IL1RAPL1: variants seen among roughly 807,000 people sequenced by gnomAD.
The protein encoded by IL1RAPL1 is interleukin-1 receptor accessory protein-like 1.
Under a neutral mutation model 48.4 loss-of-function variants are expected in IL1RAPL1, and 3 were observed. The ratio of observed to expected loss-of-function variants is 0.06; its 90% CI spans 0.03 to 0.16. The LOEUF (loss-of-function observed/expected upper bound fraction) is 0.16, where lower values mean the gene tolerates loss of function less well. Ranked by LOEUF, IL1RAPL1 falls within the 10% of genes least tolerant of loss-of-function variation. IL1RAPL1 has a pLI of 1.00. For synonymous variants in IL1RAPL1, 185 were observed against 187.7 expected, an observed-to-expected ratio of 0.99 and a Z score of 0.12; for missense variants, 349 against 530.6, an observed-to-expected ratio of 0.66 and a Z score of 3.36.
At chrX:29,101,590 G>A (rs1293599472) in intron 2 of IL1RAPL1, among the ~76,000 whole-genome samples, 2 of 111,553 alleles carry the variant, frequency 1.8e-5, no homozygotes, top group East Asian at 5.7e-4. Context: ...AAACATTGGT[G>A]CAAAAATCCT....
At position 29,720,389 on chromosome X, in the gene IL1RAPL1, G is replaced by A. The variant is rs191655479; in HGVS notation, c.778+51885G>A. ...CAATGATAGACTGGATTAAGAAAAT[G>A]TGGCACATATACACCATGAAATACT... On this transcript the variant is annotated intron_variant, in intron 6 of 10. Transcript: ENST00000378993. Among the ~76,000 whole-genome samples the A allele has an allele frequency of 4.1e-4, 46 of 111,220 alleles. 1 individual carries two copies. The highest frequency in any genetic ancestry group is 1.7e-3 in the East Asian group (6 of 3,520).
intron 2 of IL1RAPL1, among the ~76,000 whole-genome samples, chrX:29,028,532 C>T (rs1021932964): frequency 9.0e-5 from 10 of 110,501 alleles, no homozygotes; most frequent in African/African-American, 2.0e-4. Context: ...GTGATCCACC[C>T]GCCTCAGCCT....
chrX:28,600,981 A>G (rs757768431), intron 1 of IL1RAPL1, among the ~76,000 whole-genome samples: 1 of 112,099 alleles, frequency 8.9e-6, no homozygotes, highest in African/African-American at 3.2e-5. Flanking sequence ...TTTTTATCCT[A>G]TAAAGATTTT....
intron 6 of IL1RAPL1, among the ~76,000 whole-genome samples, chrX:29,762,974 C>T (rs896445369): frequency 9.0e-6 from 1 of 110,844 alleles, no homozygotes; most frequent in Non-Finnish European, 1.9e-5. Context: ...GAATGTGTCT[C>T]ACTGAGAAAA....
intron 3 of IL1RAPL1, among the ~76,000 whole-genome samples, chrX:29,306,142 C>G (rs552544249): frequency 8.9e-6 from 1 of 111,929 alleles, no homozygotes; most frequent in African/African-American, 3.3e-5. Flanking sequence ...TCCATTACTA[C>G]CTACGTTGTA....
chrX:29,753,317 T>C (rs1374736948), intron 6 of IL1RAPL1, among the ~76,000 whole-genome samples: 1 of 111,759 alleles, frequency 8.9e-6, no homozygotes, highest in Non-Finnish European at 1.9e-5. Flanking sequence ...CATCTAAAAA[T>C]AAATGGCCTA....
chrX:29,524,781 G>A (rs950578754), intron 5 of IL1RAPL1, among the ~76,000 whole-genome samples: 1 of 112,359 alleles, frequency 8.9e-6, no homozygotes, highest in African/African-American at 3.2e-5. Flanking sequence ...TGAAGAAGCA[G>A]TTTAACACTG....
rs751463248 is a variant in IL1RAPL1 at position 29,693,817 on chromosome X, CTTT to C, written c.778+25324_778+25326del. 5.1e-5 allele frequency among the ~76,000 whole-genome samples: 5 copies of C among 98,936 alleles called. No individual in the cohort carries two copies. The Admixed American group carries it at 5.4e-4, about 11-fold the overall frequency. 85.9% of individuals were successfully genotyped at this position (98,936 alleles called of 115,157 possible). On this transcript the variant is annotated intron_variant, in intron 6 of 10. Transcript: ENST00000378993. The stretch of plus-strand genomic sequence containing the variant: ...ATGGAAGTAGTGAAATGATTCATTT[CTTT>C]TTTTTTTTTTGAATATGGTAGAGAA...
At chrX:29,803,121 G>C (rs1225357266) in intron 6 of IL1RAPL1, among the ~76,000 whole-genome samples, 1 of 90,827 alleles carries the variant, frequency 1.1e-5, no homozygotes, top group African/African-American at 4.0e-5. Context: ...GTATATATGT[G>C]TATACATGTA....
intron 6 of IL1RAPL1, among the ~76,000 whole-genome samples, chrX:29,837,272 A>AAATT (rs1447926305): frequency 2.8e-5 from 2 of 72,146 alleles, no homozygotes; most frequent in African/African-American, 1.2e-4. Context: ...AAAAAAAAAA[A>AAATT]ATATATATAT....
intron 5 of IL1RAPL1, among the ~76,000 whole-genome samples, chrX:29,564,388 G>C (rs1922333476): frequency 8.9e-6 from 1 of 112,615 alleles, no homozygotes; most frequent in African/African-American, 3.2e-5. Flanking sequence ...TGGCTCTGAT[G>C]ATAGCAATCA....
At chrX:28,860,058 TGTTGTCTTATTTTAA>T (rs1284942616) in intron 2 of IL1RAPL1, among the ~76,000 whole-genome samples, 3 of 111,898 alleles carry the variant, frequency 2.7e-5, no homozygotes, top group Non-Finnish European at 5.6e-5. Context: ...CAGACTTCAT[TGTTGTCTTATTTTAA>T]GAAATTGCTG....
intron 2 of IL1RAPL1, among the ~76,000 whole-genome samples, chrX:29,197,525 T>C: frequency 8.9e-6 from 1 of 111,829 alleles, no homozygotes; most frequent in East Asian, 2.8e-4. Context: ...CTATACTTCC[T>C]TCATTCTTGG....
intron 2 of IL1RAPL1, among the ~76,000 whole-genome samples, chrX:28,871,692 T>A (rs766921800): frequency 4.9e-4 from 55 of 111,614 alleles, no homozygotes; most frequent in South Asian, 1.5e-3. Context: ...GTGATTAGGG[T>A]AGGGTCCAGG....
At chrX:29,298,243 G>C (rs1423113330) in intron 3 of IL1RAPL1, among the ~76,000 whole-genome samples, 4 of 111,793 alleles carry the variant, frequency 3.6e-5, no homozygotes, top group Admixed American at 1.9e-4. Context: ...GTCTCTTCTG[G>C]AAGTTTATTC....
intron 5 of IL1RAPL1, among the ~76,000 whole-genome samples, chrX:29,489,286 G>T (rs1342490618): frequency 1.3e-5 from 1 of 78,373 alleles, no homozygotes; most frequent in African/African-American, 4.9e-5. Context: ...ACATTACATT[G>T]TACACTGTAC....
intron 5 of IL1RAPL1, among the ~76,000 whole-genome samples, chrX:29,587,164 C>T (rs1448238746): frequency 9.0e-6 from 1 of 111,311 alleles, no homozygotes; most frequent in Non-Finnish European, 1.9e-5. Flanking sequence ...GGAGTTTAGT[C>T]AGTTATTCTT....
At chrX:29,802,887 A>G (rs1417994192) in intron 6 of IL1RAPL1, among the ~76,000 whole-genome samples, 3 of 86,465 alleles carry the variant, frequency 3.5e-5, no homozygotes, top group Non-Finnish European at 4.4e-5. Context: ...ATATGTATAT[A>G]TGTATACATA....
intron 2 of IL1RAPL1, among the ~76,000 whole-genome samples, chrX:29,205,597 G>A (rs1306243610): frequency 9.0e-6 from 1 of 111,578 alleles, no homozygotes; most frequent in Non-Finnish European, 1.9e-5. Context: ...TTCCTCATCT[G>A]CAAAATGGGC....
Sources: gnomAD v4.1 joint callset for allele counts (sites outside exome capture counted in the v4.1 genomes callset) on GRCh38, gnomAD v4.1.1 for gene constraint, MANE v1.5 for transcripts, NCBI Gene and HGNC (gene_info 2026-07-23, HGNC 2026-07-21) for gene names.